Variants in ABCB11 observed in about 807,000 individuals in gnomAD.
ABCB11 encodes ATP binding cassette subfamily B member 11.
ABCB11 carries 95 observed loss-of-function variants against 148.0 expected under a neutral mutation model. The ratio of observed to expected loss-of-function variants is 0.64; its 90% CI spans 0.54 to 0.76. The LOEUF is 0.76. Among genes scored for constraint, ABCB11 ranks in the 30% least tolerant of loss-of-function variants. ABCB11 has a pLI of 0.00. For synonymous variants in ABCB11, 591 were observed against 555.4 expected (o/e 1.06, Z -0.90); for missense variants, 1,523 against 1,617.8 (o/e 0.94, Z 1.01).
rs1553470309 is a variant in ABCB11 at position 168,995,460 on chromosome 2, G to A, written c.500C>T (p.Ala167Val). 6.2e-7 allele frequency: 1 copy of A among 1,611,726 alleles called. No individual in the cohort carries two copies. Among genetic ancestry groups the A allele is most frequent in the Non-Finnish European group, 8.5e-7 (1 of 1,178,700 alleles). ...YIQICFWVIA[A>V]ARQIQKMRKF... Reference sequence around the variant, plus strand: ...TCTCATTTTCTGTATCTGACGAGCTGCGGCAATGACCCAAAAGCATATCTG... The same window carrying A: ...TCTCATTTTCTGTATCTGACGAGCTACGGCAATGACCCAAAAGCATATCTG... Residue 167 changes from alanine to valine, a missense_variant, in exon 7 of 28, where the codon GCA becomes GTA. Ala to Val is a moderately conservative substitution (Grantham distance 64). Coordinates refer to ENST00000650372, the MANE Select transcript of ABCB11 (RefSeq NM_003742.4).
At chr2:168,985,213 G>T (rs577040936) in intron 10 of ABCB11, among the ~76,000 whole-genome samples, 1 of 152,098 alleles carries the variant, frequency 6.6e-6, no homozygotes, top group Non-Finnish European at 1.5e-5. Context: ...CCTTAATCTT[G>T]CAAGAATGGC....
At chr2:169,004,969 G>C (rs147184213) in intron 5 of ABCB11, among the ~76,000 whole-genome samples, 71 of 152,214 alleles carry the variant, frequency 4.7e-4, no homozygotes, top group Non-Finnish European at 9.1e-4. Context: ...GCTGGTACTG[G>C]CAAGAGTCTG....
At chr2:168,915,546 T>C (rs1226115073) in exon 3 of ABCB11, among the ~76,000 whole-genome samples, 1 of 152,186 alleles carries the variant, frequency 6.6e-6, no homozygotes, top group Non-Finnish European at 1.5e-5. Context: ...GTCTTTTTCT[T>C]CTGTAACAAG....
chr2:168,980,690 C>G (rs1380798749), intron 10 of ABCB11, among the ~76,000 whole-genome samples: 1 of 152,112 alleles, frequency 6.6e-6, no homozygotes, highest in East Asian at 1.9e-4. Context: ...ACCTAGCTCC[C>G]AGACTCACCT....
chr2:169,015,667 C>T (rs1558928895), intron 3 of ABCB11, among the ~76,000 whole-genome samples: 2 of 152,046 alleles, frequency 1.3e-5, no homozygotes, highest in South Asian at 2.1e-4. Flanking sequence ...AAAATTTCAA[C>T]CCCACCCCCC....
chr2:168,960,970 TA>T (rs11356690), intron 18 of ABCB11, among the ~76,000 whole-genome samples: 57,671 of 151,264 alleles, frequency 0.38, 11,321 homozygotes, highest in South Asian at 0.56. Context: ...ACAGCACTTT[TA>T]AAAAAAATCA....
chr2:168,944,725 C>T lies in ABCB11; in HGVS notation c.2490G>A (p.Arg830=), dbSNP rs775663263. 6.2e-6 allele frequency: 10 copies of T among 1,612,664 alleles called. No individual in the cohort carries two copies. The Admixed American group carries it at 1.2e-4, about 19-fold the overall frequency. The stretch of plus-strand genomic sequence containing the variant: ...TTGCCCTGAAACCAAATTTACGTAG[C>T]CTTTTTGTTAGGAGCTCCCCAGATT... The part of the protein sequence containing the change: ...FAKSGELLTK[R]LRKFGFRAML... Residue 830 remains arginine, a synonymous_variant, in exon 21 of 28, where the codon AGG becomes AGA. Transcript: ENST00000650372.
intron 17 of ABCB11, among the ~76,000 whole-genome samples, chr2:168,965,556 A>T (rs1447069440): frequency 1.3e-5 from 2 of 151,946 alleles, no homozygotes; most frequent in Admixed American, 6.6e-5. Flanking sequence ...ATATGAGCTG[A>T]TTCTGTCTCT....
At chr2:169,016,739 T>G in intron 3 of ABCB11, 39 bp downstream of exon 3, 1 of 1,552,942 alleles carries the variant, frequency 6.4e-7, no homozygotes. Flanking sequence ...ATGGAGTTAT[T>G]CTAGAAAAGA....
intron 13 of ABCB11, among the ~76,000 whole-genome samples, 186 bp from the exon 14 acceptor site, chr2:168,972,236 T>C (rs1400286943): frequency 6.6e-6 from 1 of 152,064 alleles, no homozygotes. Context: ...CAAGTATAGC[T>C]GCAGAACAAT....
At chr2:168,975,194 A>AAATAT (rs1693774549) in intron 12 of ABCB11, among the ~76,000 whole-genome samples, 2 of 81,116 alleles carry the variant, frequency 2.5e-5, no homozygotes, top group African/African-American at 5.7e-5. Flanking sequence ...ATAAATATAT[A>AAATAT]ATAAATATTT....
At chr2:168,983,056 T>C (rs1465551002) in intron 10 of ABCB11, among the ~76,000 whole-genome samples, 1 of 152,112 alleles carries the variant, frequency 6.6e-6, no homozygotes, top group African/African-American at 2.4e-5. Context: ...AATTTAAAGA[T>C]GAGAGACATA....
At chr2:169,030,338 C>A (rs1695829818) in intron 1 of ABCB11, among the ~76,000 whole-genome samples, 3 of 151,948 alleles carry the variant, frequency 2.0e-5, no homozygotes, top group Admixed American at 2.0e-4. Flanking sequence ...TGTTACAGAG[C>A]ACAGCAGGGG....
intron 9 of ABCB11, among the ~76,000 whole-genome samples, chr2:168,989,928 T>TTGAACCATCCTTACATCCTAG (rs1694456471): frequency 3.9e-5 from 6 of 152,282 alleles, no homozygotes; most frequent in Non-Finnish European, 1.5e-5. Context: ...CATGCCTATG[T>TTGAACCATCCTTACATCCTAG]TGAACCATCC....
Position 168,973,764 on chromosome 2 carries a change from C to G in ABCB11, c.1385G>C (p.Ser462Thr). 1 of 1,612,212 alleles carries G rather than the reference C, an allele frequency of 6.2e-7. No individual in the cohort carries two copies. The highest frequency in any genetic ancestry group is 2.2e-5 in the East Asian group (1 of 44,826). ...TCGCTGAATGAGTTGCAGTGCTGTA[C>G]TTTTTCCAGCTCCACTGGGTCCTAC... ...ALVGPSGAGK[S>T]TALQLIQRFY... The change falls in exon 13 of 28, where the codon AGT (serine) becomes ACT (threonine). Residue 462 changes from serine (S) to threonine (T), a missense_variant. Physicochemically the swap from Ser to Thr is moderately conservative, Grantham distance 58. Coordinates refer to ENST00000650372, the MANE Select transcript of ABCB11 (RefSeq NM_003742.4).
At chr2:168,995,616 G>A in intron 6 of ABCB11, 134 bp from the exon 7 acceptor site, 3 of 911,236 alleles carry the variant, frequency 3.3e-6, no homozygotes, top group Non-Finnish European at 4.9e-6. Context: ...CTCTTCTTGG[G>A]AACTAAGATG....
intron 5 of ABCB11, among the ~76,000 whole-genome samples, chr2:169,005,912 C>A (rs1162245351): frequency 6.6e-6 from 1 of 152,028 alleles, no homozygotes; most frequent in African/African-American, 2.4e-5. Flanking sequence ...AATCAGCAAT[C>A]AAAAACTTTC....
chr2:168,917,398 C>T (rs1369392894), downstream of ABCB11, among the ~76,000 whole-genome samples: 2 of 152,142 alleles, frequency 1.3e-5, no homozygotes, highest in Non-Finnish European at 2.9e-5. Flanking sequence ...ATGGTTCTTA[C>T]AGATCAACTG....
intron 22 of ABCB11, among the ~76,000 whole-genome samples, chr2:168,935,690 T>C (rs577235494): frequency 7.9e-5 from 12 of 152,300 alleles, no homozygotes; most frequent in Admixed American, 2.6e-4. Context: ...AAGGACAAGA[T>C]ATTAATTAGA....
Sources: gnomAD v4.1 joint callset for allele counts (sites outside exome capture counted in the v4.1 genomes callset) on GRCh38, gnomAD v4.1.1 for gene constraint, MANE v1.5 for transcripts, NCBI Gene and HGNC (gene_info 2026-07-23, HGNC 2026-07-21) for gene names.